The following ZNF648 variants were observed in gnomAD, a reference collection of about 807,000 sequenced individuals.
ZNF648 encodes zinc finger protein 648.
ZNF648 carries 1 observed loss-of-function variant against 0.3 expected under a neutral mutation model. The ratio of observed to expected loss-of-function variants is 3.90; its 90% CI spans 1.39 to 18.51. The LOEUF is 18.51. Among genes scored for constraint, ZNF648 ranks in the 30% most tolerant of loss-of-function variants. The pLI is 0.11. For synonymous variants in ZNF648, 376 were observed against 326.8 expected (o/e 1.15, Z -1.62); for missense variants, 874 against 769.7 (o/e 1.14, Z -1.60).
At chr1:182,059,488 A>G (rs1218883417) in intron 1 of ZNF648, among the ~76,000 whole-genome samples, 1 of 152,166 alleles carries the variant, frequency 6.6e-6, no homozygotes, top group Non-Finnish European at 1.5e-5. Flanking sequence ...GTCTGGAGAG[A>G]AACTTCTGAG....
At chr1:182,063,977 T>C (rs1666066032), upstream of ZNF648, 2 of 152,222 alleles carry the variant, frequency 1.3e-5, no homozygotes, top group African/African-American at 4.8e-5. Flanking sequence ...CCCCATTGCT[T>C]GTTTTTGTCA....
chr1:182,060,716 A>G (rs1666019165), intron 1 of ZNF648, among the ~76,000 whole-genome samples: 1 of 152,166 alleles, frequency 6.6e-6, no homozygotes, highest in Non-Finnish European at 1.5e-5. Flanking sequence ...GGGACATACC[A>G]CTAGCCAACC....
chr1:182,058,100 A>C, intron 1 of ZNF648, 27 bp from the exon 2 acceptor site: 1 of 1,449,978 alleles, frequency 6.9e-7, no homozygotes, highest in Non-Finnish European at 9.3e-7. Context: ...ACGAAGAGAA[A>C]ATCACAAAGA....
intron 1 of ZNF648, among the ~76,000 whole-genome samples, chr1:182,058,540 G>A (rs1295984939): frequency 6.6e-6 from 1 of 152,160 alleles, no homozygotes; most frequent in Non-Finnish European, 1.5e-5. Context: ...TCCCATGATG[G>A]TGTCAGCTAG....
upstream of ZNF648, chr1:182,064,169 G>A (rs1666067845): frequency 6.6e-6 from 1 of 152,170 alleles, no homozygotes; most frequent in Non-Finnish European, 1.5e-5. Context: ...GCTTAGGATT[G>A]TCTTGGCTCT....
the ZNF648 span, among the ~76,000 whole-genome samples, chr1:182,068,664 T>A: frequency 6.6e-6 from 1 of 152,144 alleles, no homozygotes; most frequent in Admixed American, 6.5e-5. Flanking sequence ...GCCTGTAACC[T>A]GTAGTCCCAG....
Position 182,056,789 on chromosome 1 carries a change from C to G in ZNF648, c.1222G>C (p.Val408Leu), listed in dbSNP as rs938614973. The G allele has an allele frequency of 3.9e-6, 6 of 1,527,946 alleles. No homozygotes were observed. The highest frequency in any genetic ancestry group is 2.9e-5 in the African/African-American group (2 of 69,100). 94.6% of individuals were successfully genotyped at this position (1,527,946 alleles called of 1,614,324 possible). Reference sequence around the variant, plus strand: ...CCCGAGTGCACGCGCTGGTGCTCCACCATGCGGCTGGCCACAGCGAACTCC... The same window carrying G: ...CCCGAGTGCACGCGCTGGTGCTCCAGCATGCGGCTGGCCACAGCGAACTCC... Reference protein sequence around the residue: ...DREFAVASRMVEHQRVHSGER... With the variant: ...DREFAVASRMLEHQRVHSGER... The change falls in exon 2 of 2, where the codon GTG becomes CTG. Residue 408 changes from valine to leucine, a missense_variant. Coordinates refer to ENST00000339948, the MANE Select transcript of ZNF648 (RefSeq NM_001009992.1).
rs1380833951 is a variant in ZNF648 at position 182,056,484 on chromosome 1, G to A, written c.1527C>T (p.Cys509=). The A allele has an allele frequency of 1.9e-6, 3 of 1,613,800 alleles. No individual in the cohort carries two copies. Among genetic ancestry groups the A allele is most frequent in the South Asian group, 2.2e-5 (2 of 90,954 alleles). ...SGEKGFLCAE[C]GRAFRIASEL... ...CAGAGGCAATGCGGAAGGCCCTGCC[G>A]CACTCGGCACAGAGGAATCCCTTCT... Residue 509 remains cysteine, a synonymous_variant, in exon 2 of 2, where the codon TGC becomes TGT. Transcript: ENST00000339948.
chr1:182,061,947 C>A (rs1666037622), upstream of ZNF648, among the ~76,000 whole-genome samples: 1 of 152,234 alleles, frequency 6.6e-6, no homozygotes, highest in African/African-American at 2.4e-5. Context: ...TTCCACAGAG[C>A]AGTCCATCCT....
At position 182,057,008 on chromosome 1, in the gene ZNF648, AGG is replaced by A. The variant is rs776582388; in HGVS notation, c.1001_1002del (p.Pro334LeufsTer28). On this transcript the variant is annotated frameshift_variant, in exon 2 of 2. Coordinates refer to ENST00000339948, the MANE Select transcript of ZNF648 (RefSeq NM_001009992.1). LOFTEE classifies it low-confidence loss of function (END_TRUNC). ...KHIRTHTGEK[P>X]YPCPDCGKAF... ...GCCTTCCCGCAGTCTGGACACGGGT[AGG>A]GTTTCTCGCCTGTGTGGGTGCGGAT... The A allele has an allele frequency of 3.7e-6, 6 of 1,613,472 alleles. No homozygotes were observed. In the African/African-American group the frequency reaches 8.0e-5, roughly 22 times the overall value.
At position 182,056,674 on chromosome 1, in the gene ZNF648, C is replaced by G; in HGVS notation, c.1337G>C (p.Arg446Thr). 6.2e-7 allele frequency: 1 copy of G among 1,605,214 alleles called. No homozygotes were observed. Among genetic ancestry groups the G allele is most frequent in the South Asian group, 1.1e-5 (1 of 89,838 alleles). The change falls in exon 2 of 2, where the codon AGG becomes ACG. Residue 446 changes from arginine to threonine, a missense_variant. Physicochemically the swap from Arg to Thr is moderately conservative, Grantham distance 71. Coordinates refer to ENST00000339948, the MANE Select transcript of ZNF648 (RefSeq NM_001009992.1). ...GCCGCAGTCAGCGCACTTGAAAGGCCTCTGGCCGGTGTGCAGCGTCTGGTG... is the reference window on the plus strand; with the variant it reads ...GCCGCAGTCAGCGCACTTGAAAGGCGTCTGGCCGGTGTGCAGCGTCTGGTG... Reference protein sequence around the residue: ...SEHQTLHTGQRPFKCADCGVA... With the variant: ...SEHQTLHTGQTPFKCADCGVA...
chr1:182,056,451 G>T lies in ZNF648; in HGVS notation c.1560C>A (p.Ala520=). The stretch of plus-strand genomic sequence containing the variant: ...CTCCGTTGTGCATTCGTATGTGCTG[G>T]GCCAACTCAGAGGCAATGCGGAAGG... ...GRAFRIASEL[A]QHIRMHNGER... The change falls in exon 2 of 2, where the codon GCC becomes GCA. Residue 520 remains alanine, a synonymous_variant. Coordinates refer to ENST00000339948, the MANE Select transcript of ZNF648 (RefSeq NM_001009992.1). The T allele has an allele frequency of 6.2e-7, 1 of 1,613,962 alleles. No individual in the cohort carries two copies. Among genetic ancestry groups the T allele is most frequent in the Non-Finnish European group, 8.5e-7 (1 of 1,179,958 alleles).
intron 1 of ZNF648, among the ~76,000 whole-genome samples, chr1:182,058,887 C>T (rs1353595988): frequency 1.3e-5 from 2 of 152,188 alleles, no homozygotes; most frequent in East Asian, 1.9e-4. Flanking sequence ...TGCAGTGGCG[C>T]GATCTTGGCT....
intron 1 of ZNF648, among the ~76,000 whole-genome samples, chr1:182,060,915 C>T (rs1208127336): frequency 6.6e-6 from 1 of 152,190 alleles, no homozygotes; most frequent in Non-Finnish European, 1.5e-5. Context: ...ACCCCACCTC[C>T]AGCACAAATA....
chr1:182,066,887 A>G, the ZNF648 span, among the ~76,000 whole-genome samples: 1 of 152,288 alleles, frequency 6.6e-6, no homozygotes, highest in South Asian at 2.1e-4. Context: ...TTCTTCCAGA[A>G]TGCTAGCCCT....
At chr1:182,060,456 T>A (rs1011244551) in intron 1 of ZNF648, among the ~76,000 whole-genome samples, 2 of 152,172 alleles carry the variant, frequency 1.3e-5, no homozygotes, top group Non-Finnish European at 2.9e-5. Flanking sequence ...GGGAGCAGTA[T>A]GGAGGAATCC....
upstream of ZNF648, chr1:182,061,795 C>G (rs528856766): frequency 3.3e-5 from 5 of 152,752 alleles, no homozygotes; most frequent in East Asian, 9.6e-4. Flanking sequence ...TAGAGTGGGG[C>G]TGCCCTCTCT....
At chr1:182,068,558 G>T in the ZNF648 span, among the ~76,000 whole-genome samples, 1 of 152,192 alleles carries the variant, frequency 6.6e-6, no homozygotes, top group African/African-American at 2.4e-5. Context: ...AGTCTGGTTT[G>T]CTCTGATTCT....
chr1:182,066,569 C>T (rs1459053218), upstream of ZNF648, among the ~76,000 whole-genome samples: 1 of 152,212 alleles, frequency 6.6e-6, no homozygotes, highest in Non-Finnish European at 1.5e-5. Flanking sequence ...TATGAATACA[C>T]ATGCAGAAAG....
Sources: allele counts gnomAD v4.1 joint callset (sites outside exome capture counted in the v4.1 genomes callset), GRCh38; gene constraint gnomAD v4.1.1; transcripts MANE v1.5; gene names NCBI Gene and HGNC (gene_info 2026-07-23, HGNC 2026-07-21).